Variants in IMMP2L observed in about 807,000 individuals in gnomAD.
IMMP2L encodes the protein inner mitochondrial membrane peptidase subunit 2.
In IMMP2L, 18 loss-of-function variants were observed where a neutral mutation model predicts 19.3. The observed-to-expected ratio is 0.93, with a 90% confidence interval of 0.64 to 1.38. The LOEUF (loss-of-function observed/expected upper bound fraction) is 1.38, where lower values mean the gene tolerates loss of function less well. Among genes scored for constraint, IMMP2L ranks in the 40% most tolerant of loss-of-function variants. The pLI is 0.00. For missense variants in IMMP2L, 233 were observed against 218.2 expected (o/e 1.07, Z -0.43); for synonymous variants, 76 against 73.0 (o/e 1.04, Z -0.21).
intron 3 of IMMP2L, among the ~76,000 whole-genome samples, chr7:110,984,308 C>G (rs1234085918): frequency 6.6e-6 from 1 of 151,114 alleles, no homozygotes; most frequent in East Asian, 1.9e-4. Context: ...AAAAAACCAC[C>G]TAGATTTTTA....
At chr7:111,295,937 A>G (rs1376909134) in intron 3 of IMMP2L, among the ~76,000 whole-genome samples, 1 of 151,168 alleles carries the variant, frequency 6.6e-6, no homozygotes, top group African/African-American at 2.4e-5. Flanking sequence ...CACATAGAAG[A>G]AAATTTTCAT....
rs186329804 is a variant in IMMP2L, at chr7:111,122,864, G to A, written c.240-159299C>T. ...GTAGATAAAAAAGTGGATTGTCCAC[G>A]GTTATGTACGTGTGAAATCAGGCCT... On this transcript the variant is annotated intron_variant, in intron 3 of 5. Coordinates refer to ENST00000405709, the MANE Select transcript of IMMP2L (RefSeq NM_032549.4). 2.5e-3 allele frequency: 4,094 copies of A among 1,613,876 alleles called. 129 individuals carry two copies. The Admixed American group carries it at 0.055, about 22-fold the overall frequency.
intron 1 of IMMP2L, among the ~76,000 whole-genome samples, chr7:111,523,646 T>C (rs1039639457): frequency 2.0e-5 from 3 of 152,132 alleles, no homozygotes; most frequent in Non-Finnish European, 4.4e-5. Flanking sequence ...AATCTTTTTA[T>C]ACCTAATCAA....
chr7:111,173,315 A>G (rs1806660691), intron 3 of IMMP2L, among the ~76,000 whole-genome samples: 1 of 151,650 alleles, frequency 6.6e-6, no homozygotes, highest in Non-Finnish European at 1.5e-5. Context: ...TTTCTTTAAA[A>G]AATCATTGCT....
intron 3 of IMMP2L, among the ~76,000 whole-genome samples, chr7:111,220,204 A>T (rs960568407): frequency 6.6e-6 from 1 of 152,102 alleles, no homozygotes; most frequent in Non-Finnish European, 1.5e-5. Context: ...AAGGAAAAAA[A>T]TGAAATCAGT....
intron 3 of IMMP2L, among the ~76,000 whole-genome samples, chr7:111,322,629 G>A (rs746121323): frequency 6.6e-6 from 1 of 151,408 alleles, no homozygotes; most frequent in Non-Finnish European, 1.5e-5. Flanking sequence ...ACTAATATTA[G>A]TAATATTAAT....
intron 2 of IMMP2L, among the ~76,000 whole-genome samples, chr7:111,488,958 T>C (rs1842873858): frequency 6.6e-6 from 1 of 151,992 alleles, no homozygotes; most frequent in African/African-American, 2.4e-5. Context: ...TAATTAAAGA[T>C]GTTGAAGATT....
chr7:111,471,619 G>T (rs1171278303), intron 3 of IMMP2L, among the ~76,000 whole-genome samples: 1 of 151,696 alleles, frequency 6.6e-6, no homozygotes, highest in Non-Finnish European at 1.5e-5. Context: ...AGATCTATTG[G>T]GTTAGAAAAT....
intron 1 of IMMP2L, among the ~76,000 whole-genome samples, chr7:111,533,525 T>C (rs1847596088): frequency 6.6e-6 from 1 of 152,078 alleles, no homozygotes; most frequent in South Asian, 2.1e-4. Flanking sequence ...AAATGACTAA[T>C]ACAATACAAA....
At position 110,731,502 on chromosome 7, in the gene IMMP2L, C is replaced by T. The variant is rs755921957; in HGVS notation, c.409-67781G>A. 4.7e-4 allele frequency among the ~76,000 whole-genome samples: 72 copies of T among 152,168 alleles called. 1 individual carries two copies. The highest frequency in any genetic ancestry group is 8.8e-5 in the Non-Finnish European group (6 of 68,030). The stretch of plus-strand genomic sequence containing the variant: ...ATCTGTTTGTCATTGCAATAATGAA[C>T]TCTACCAGCAGTCTCTGTAATTTGG... On this transcript the variant is annotated intron_variant, in intron 5 of 5. Coordinates refer to ENST00000405709, the MANE Select transcript of IMMP2L (RefSeq NM_032549.4).
intron 3 of IMMP2L, among the ~76,000 whole-genome samples, chr7:111,210,663 A>G (rs1181055938): frequency 6.6e-6 from 1 of 152,138 alleles, no homozygotes; most frequent in Non-Finnish European, 1.5e-5. Flanking sequence ...ATCTGCCTAC[A>G]CTTATATTCT....
Position 111,429,901 on chromosome 7 carries a change from C to A in IMMP2L, c.239+57337G>T, listed in dbSNP as rs192558375. On this transcript the variant is annotated intron_variant, in intron 3 of 5. Transcript: ENST00000405709. ...AATCAAAATCAGAGATGGAAAAGGG[C>A]AAACAGTATTATATAGCAAGTATGC... Among the ~76,000 whole-genome samples the A allele has an allele frequency of 2.6e-5, 4 of 151,276 alleles. No homozygotes were observed. In the East Asian group the frequency reaches 7.7e-4, roughly 29 times the overall value.
intron 4 of IMMP2L, among the ~76,000 whole-genome samples, chr7:110,890,596 G>T (rs258981): frequency 0.04 from 6,021 of 152,232 alleles, 161 homozygotes; most frequent in South Asian, 0.085. Flanking sequence ...TTGTGCTCCT[G>T]AATTCACATA....
intron 3 of IMMP2L, among the ~76,000 whole-genome samples, chr7:111,033,721 A>G (rs911882495): frequency 1.3e-5 from 2 of 152,214 alleles, no homozygotes; most frequent in Non-Finnish European, 2.9e-5. Flanking sequence ...TGAGGAAGCT[A>G]CATACTATGT....
At chr7:110,972,388 A>G (rs1310479029) in intron 3 of IMMP2L, among the ~76,000 whole-genome samples, 1 of 152,116 alleles carries the variant, frequency 6.6e-6, no homozygotes, top group Non-Finnish European at 1.5e-5. Flanking sequence ...CCTAAATAAT[A>G]CTAAAATTAA....
chr7:110,909,163 G>A lies in IMMP2L; in HGVS notation c.306-22468C>T, dbSNP rs1812774747. ...TCTGAGAAACTGAAAGGCCAGAGTG[G>A]CAGAAAGGCAAAGGCAGTAGGAACA... On this transcript the variant is annotated intron_variant, in intron 4 of 5. Coordinates refer to ENST00000405709, the MANE Select transcript of IMMP2L (RefSeq NM_032549.4). Among the ~76,000 whole-genome samples, 5 of 152,238 alleles carry A rather than the reference G, an allele frequency of 3.3e-5. No homozygotes were observed. In the South Asian group the frequency reaches 1.0e-3, roughly 32 times the overall value.
At chr7:110,916,808 C>T (rs1585254936) in intron 4 of IMMP2L, among the ~76,000 whole-genome samples, 1 of 152,158 alleles carries the variant, frequency 6.6e-6, no homozygotes, top group Non-Finnish European at 1.5e-5. Flanking sequence ...TCAATCAATG[C>T]TTCTATATTT....
intron 3 of IMMP2L, among the ~76,000 whole-genome samples, chr7:111,235,487 T>C (rs1292772511): frequency 2.6e-5 from 4 of 151,606 alleles, no homozygotes; most frequent in Non-Finnish European, 4.4e-5. Context: ...AAAAAAAAAT[T>C]CCACATTGAT....
In IMMP2L at chr7:111,355,430, A is replaced by C. The variant is rs112605777; in HGVS notation, c.239+131808T>G. On this transcript the variant is annotated intron_variant, in intron 3 of 5. Transcript: ENST00000405709. ...GTTATTACTCTTCAAAACTTCTTCAATGTAAATTGTAATATTGGGCTTTAT... is the reference window on the plus strand; with the variant it reads ...GTTATTACTCTTCAAAACTTCTTCACTGTAAATTGTAATATTGGGCTTTAT... Among the ~76,000 whole-genome samples the C allele has an allele frequency of 6.1e-4, 93 of 151,756 alleles. 1 individual carries two copies. Among genetic ancestry groups the C allele is most frequent in the Non-Finnish European group, 1.3e-4 (9 of 67,792 alleles).
Sources: allele counts gnomAD v4.1 joint callset (sites outside exome capture counted in the v4.1 genomes callset), GRCh38; gene constraint gnomAD v4.1.1; transcripts MANE v1.5; gene names NCBI Gene and HGNC (gene_info 2026-07-23, HGNC 2026-07-21).